SH3GL2: variants seen among roughly 807,000 people sequenced by gnomAD.
SH3GL2 encodes SH3 domain containing GRB2 like 2, endophilin A1, also known as endophilin-A1.
In SH3GL2, 24 loss-of-function variants were observed where a neutral mutation model predicts 46.0. That is an observed-to-expected ratio of 0.52 (90% CI 0.38 to 0.73). The LOEUF (loss-of-function observed/expected upper bound fraction) is 0.73, where lower values mean the gene tolerates loss of function less well. Ranked by LOEUF, SH3GL2 falls within the 30% of genes least tolerant of loss-of-function variation. The pLI, the probability that SH3GL2 is intolerant of heterozygous loss-of-function variation, is 0.00. For synonymous variants in SH3GL2, 196 were observed against 147.1 expected (o/e 1.33, Z -2.40); for missense variants, 413 against 424.2 (o/e 0.97, Z 0.23).
intron 3 of SH3GL2, among the ~76,000 whole-genome samples, chr9:17,767,845 A>G (rs1823357479): frequency 6.6e-6 from 1 of 152,228 alleles, no homozygotes; most frequent in African/African-American, 2.4e-5. Flanking sequence ...AAATATATTA[A>G]GAAAGAAAAC....
intron 1 of SH3GL2, among the ~76,000 whole-genome samples, chr9:17,654,622 T>C (rs73645113): frequency 0.12 from 18,144 of 152,226 alleles, 1,439 homozygotes; most frequent in African/African-American, 0.2. Context: ...ATATCATGTC[T>C]AGGAGTCTTA....
chr9:17,763,362 G>C lies in SH3GL2; in HGVS notation c.187+1853G>C, dbSNP rs139970579. Among the ~76,000 whole-genome samples, 7 of 152,280 alleles carry C rather than the reference G, an allele frequency of 4.6e-5. No homozygotes were observed. In the East Asian group the frequency reaches 1.4e-3, roughly 29 times the overall value. ...GTGGAAATAATCCTTGCAGATGTAA[G>C]TAGTGATGTAGGATCTTGAGATGAA... On this transcript the variant is annotated intron_variant, in intron 3 of 8. Transcript: ENST00000380607.
intron 1 of SH3GL2, among the ~76,000 whole-genome samples, chr9:17,715,161 G>T (rs1004059161): frequency 6.9e-6 from 1 of 145,190 alleles, no homozygotes; most frequent in Non-Finnish European, 1.5e-5. Flanking sequence ...CTTATCACTG[G>T]TTTTGAGTGT....
chr9:17,654,275 A>G (rs1438424397), intron 1 of SH3GL2, among the ~76,000 whole-genome samples: 1 of 152,210 alleles, frequency 6.6e-6, no homozygotes, highest in African/African-American at 2.4e-5. Flanking sequence ...ATCATTCATA[A>G]TATCGCTTTA....
Position 17,617,261 on chromosome 9 carries a change from A to C in SH3GL2, c.45+37974A>C, listed in dbSNP as rs561525559. Among the ~76,000 whole-genome samples the C allele has an allele frequency of 2.0e-5, 3 of 152,334 alleles. No individual in the cohort carries two copies. In the South Asian group the frequency reaches 6.2e-4, roughly 32 times the overall value. ...AGTTTGCTCCTTTGAACAATGCTGC[A>C]GTATATAAAGTTGTACATATATGTA... On this transcript the variant is annotated intron_variant, in intron 1 of 8. Transcript: ENST00000380607.
chr9:17,729,611 T>C (rs1588279892), intron 1 of SH3GL2, among the ~76,000 whole-genome samples: 2 of 152,228 alleles, frequency 1.3e-5, no homozygotes, highest in East Asian at 1.9e-4. Context: ...GTTTAAATCT[T>C]TAATCCATCT....
Position 17,747,119 on chromosome 9 carries a change from C to T in SH3GL2, c.99C>T (p.Phe33=), listed in dbSNP as rs750499767. ...AAGGAACCAAGCTAGATGATGACTT[C>T]AAAGAGATGGAAAGGGTAAGCCTTC... The part of the protein sequence containing the change: ...GAEGTKLDDD[F]KEMERKVDVT... The change falls in exon 2 of 9, where the codon TTC becomes TTT. Residue 33 remains phenylalanine, a synonymous_variant. Coordinates refer to ENST00000380607, the MANE Select transcript of SH3GL2 (RefSeq NM_003026.5). 3 of 1,606,550 alleles carry T rather than the reference C, an allele frequency of 1.9e-6. No individual in the cohort carries two copies. Among genetic ancestry groups the T allele is most frequent in the South Asian group, 2.2e-5 (2 of 90,796 alleles).
chr9:17,711,600 C>T (rs1367193768), intron 1 of SH3GL2, among the ~76,000 whole-genome samples: 2 of 151,752 alleles, frequency 1.3e-5, no homozygotes, highest in Non-Finnish European at 2.9e-5. Context: ...TTCTTTCAAT[C>T]GGCATAATTG....
At chr9:17,742,941 C>G (rs1045133560) in intron 1 of SH3GL2, among the ~76,000 whole-genome samples, 6 of 151,914 alleles carry the variant, frequency 3.9e-5, no homozygotes, top group African/African-American at 1.5e-4. Flanking sequence ...TGAACAGTTT[C>G]TCAAATGGCA....
chr9:17,579,537 C>T (rs1818234715), intron 1 of SH3GL2, among the ~76,000 whole-genome samples: 1 of 152,122 alleles, frequency 6.6e-6, no homozygotes. Context: ...CCTGGTAGCG[C>T]TGCTCGCCGC....
chr9:17,785,126 C>T (rs1823916195), intron 3 of SH3GL2, among the ~76,000 whole-genome samples: 1 of 152,108 alleles, frequency 6.6e-6, no homozygotes, highest in African/African-American at 2.4e-5. Flanking sequence ...TGCTGTTAGC[C>T]TAACTGCTAC....
chr9:17,607,607 G>T (rs1334565235), intron 1 of SH3GL2, among the ~76,000 whole-genome samples: 1 of 152,208 alleles, frequency 6.6e-6, no homozygotes, highest in Admixed American at 6.5e-5. Context: ...GAACGATTAA[G>T]TAGAAATAAC....
intron 1 of SH3GL2, among the ~76,000 whole-genome samples, chr9:17,628,730 A>G (rs545950349): frequency 3.9e-5 from 6 of 152,118 alleles, no homozygotes; most frequent in Admixed American, 2.0e-4. Context: ...TTCTAGCTCA[A>G]GGGAGAATTG....
At chr9:17,616,849 T>G (rs746786234) in intron 1 of SH3GL2, among the ~76,000 whole-genome samples, 2 of 152,212 alleles carry the variant, frequency 1.3e-5, no homozygotes, top group Non-Finnish European at 2.9e-5. Flanking sequence ...TTTGTTACTT[T>G]TATTTCTGAA....
At chr9:17,761,567 T>C (rs981376395) in intron 3 of SH3GL2, 58 bp downstream of exon 3, 10 of 1,031,700 alleles carry the variant, frequency 9.7e-6, no homozygotes, top group Non-Finnish European at 1.5e-5. Flanking sequence ...AGTTTCTCTT[T>C]GATAGACATT....
At chr9:17,737,206 G>GTA (rs1280435137) in intron 1 of SH3GL2, among the ~76,000 whole-genome samples, 2 of 151,954 alleles carry the variant, frequency 1.3e-5, no homozygotes, top group African/African-American at 4.8e-5. Flanking sequence ...CTGTCAGGGG[G>GTA]TGGGGGGCTA....
intron 1 of SH3GL2, among the ~76,000 whole-genome samples, chr9:17,650,381 G>GT (rs1347875415): frequency 1.3e-5 from 2 of 151,384 alleles, no homozygotes; most frequent in Admixed American, 6.6e-5. Context: ...TTGTTTGTTT[G>GT]TTTTTTTTAA....
intron 1 of SH3GL2, among the ~76,000 whole-genome samples, chr9:17,648,283 G>T (rs1033655743): frequency 1.3e-5 from 2 of 152,144 alleles, no homozygotes; most frequent in African/African-American, 4.8e-5. Flanking sequence ...TGAGGGAAAA[G>T]AACATGATCA....
chr9:17,777,292 T>C (rs1196531498), intron 3 of SH3GL2, among the ~76,000 whole-genome samples: 1 of 152,150 alleles, frequency 6.6e-6, no homozygotes, highest in Non-Finnish European at 1.5e-5. Flanking sequence ...GGAATATTTA[T>C]AAAGATAAAA....
Sources: allele counts gnomAD v4.1 joint callset (sites outside exome capture counted in the v4.1 genomes callset), GRCh38; gene constraint gnomAD v4.1.1; transcripts MANE v1.5; gene names NCBI Gene and HGNC (gene_info 2026-07-23, HGNC 2026-07-21).